The following TTC27 variants were observed in gnomAD, a reference collection of about 807,000 sequenced individuals.
TTC27 encodes the protein tetratricopeptide repeat protein 27.
TTC27 carries 79 observed loss-of-function variants against 115.9 expected under a neutral mutation model. The observed-to-expected ratio is 0.68, with a 90% confidence interval of 0.57 to 0.82. TTC27 has a LOEUF of 0.82. Ranked by LOEUF, TTC27 falls within the 40% of genes least tolerant of loss-of-function variation. TTC27 has a pLI of 0.00. For synonymous variants in TTC27, 401 were observed against 356.0 expected, an observed-to-expected ratio of 1.13 and a Z score of -1.42; for missense variants, 1,054 against 993.1, an observed-to-expected ratio of 1.06 and a Z score of -0.82.
chr2:32,698,435 G>GTTATTGTTATTATTATTA (rs1553552656), intron 9 of TTC27, among the ~76,000 whole-genome samples: 12 of 145,434 alleles, frequency 8.3e-5, no homozygotes, highest in Admixed American at 7.0e-4. Context: ...CAGCCATAAA[G>GTTATTGTTATTATTATTA]TTATTATTAT....
At chr2:32,687,619 C>T (rs1476507437) in intron 9 of TTC27, among the ~76,000 whole-genome samples, 2 of 152,042 alleles carry the variant, frequency 1.3e-5, no homozygotes, top group African/African-American at 2.4e-5. Flanking sequence ...AAAATATTAT[C>T]CCATGAAAAC....
chr2:32,781,246 C>A (rs972104932), intron 14 of TTC27, among the ~76,000 whole-genome samples: 1 of 152,184 alleles, frequency 6.6e-6, no homozygotes, highest in African/African-American at 2.4e-5. Flanking sequence ...ACTAACATTC[C>A]CCCAAACATT....
intron 13 of TTC27, among the ~76,000 whole-genome samples, chr2:32,768,022 G>T (rs1290215667): frequency 1.3e-5 from 2 of 151,590 alleles, no homozygotes; most frequent in Non-Finnish European, 1.5e-5. Flanking sequence ...CATATTGAAA[G>T]AATATATTCA....
At chr2:32,668,445 T>C (rs1052426035) in intron 7 of TTC27, among the ~76,000 whole-genome samples, 2 of 151,720 alleles carry the variant, frequency 1.3e-5, no homozygotes, top group African/African-American at 4.8e-5. Context: ...TTATGAGAAA[T>C]GTATGAAAAT....
At chr2:32,719,231 T>C (rs180691808) in intron 10 of TTC27, among the ~76,000 whole-genome samples, 7 of 152,172 alleles carry the variant, frequency 4.6e-5, no homozygotes, top group Non-Finnish European at 8.8e-5. Context: ...AACTAAACAA[T>C]GTATGAGGTA....
chr2:32,782,785 C>A, intron 15 of TTC27, 107 bp downstream of exon 15: 1 of 856,076 alleles, frequency 1.2e-6, no homozygotes, highest in Non-Finnish European at 1.8e-6. Context: ...ACCTTTCTCG[C>A]CCATGTATAT....
At chr2:32,767,683 G>C (rs899943130) in intron 13 of TTC27, among the ~76,000 whole-genome samples, 5 of 150,818 alleles carry the variant, frequency 3.3e-5, no homozygotes, top group South Asian at 2.1e-4. Context: ...GGATGGTCTC[G>C]ATCTCCTGAC....
At chr2:32,713,298 A>G (rs1667644455) in intron 10 of TTC27, among the ~76,000 whole-genome samples, 1 of 152,202 alleles carries the variant, frequency 6.6e-6, no homozygotes, top group Admixed American at 6.5e-5. Context: ...TGGAAACTAC[A>G]TATATTCAAA....
chr2:32,628,192 T>A lies in TTC27; in HGVS notation c.-101T>A. The A allele has an allele frequency of 9.0e-7, 1 of 1,108,890 alleles. No individual in the cohort carries two copies. The highest frequency in any genetic ancestry group is 1.3e-6 in the Non-Finnish European group (1 of 753,316). 68.7% of individuals were successfully genotyped at this position (1,108,890 alleles called of 1,614,324 possible). ...GTGTATTTACGGTAACTGTCGCCACTAGATTTCAGCGCCTTTGGACTCTCC... is the reference window on the plus strand; with the variant it reads ...GTGTATTTACGGTAACTGTCGCCACAAGATTTCAGCGCCTTTGGACTCTCC... On this transcript the variant is annotated 5_prime_UTR_variant, in exon 1 of 20. Transcript: ENST00000317907.
intron 3 of TTC27, among the ~76,000 whole-genome samples, chr2:32,634,830 T>C (rs1664352136): frequency 6.6e-6 from 1 of 150,912 alleles, no homozygotes; most frequent in South Asian, 2.1e-4. Context: ...CTAATTTTTG[T>C]ATTTTTACTA....
At chr2:32,780,173 A>G (rs1261513370) in intron 14 of TTC27, 3 of 423,040 alleles carry the variant, frequency 7.1e-6, no homozygotes, top group Non-Finnish European at 1.5e-5. Flanking sequence ...GCATTCCTTG[A>G]ATTTTCCTAT....
At chr2:32,796,276 A>C (rs1445124689) in intron 16 of TTC27, among the ~76,000 whole-genome samples, 5 of 152,194 alleles carry the variant, frequency 3.3e-5, no homozygotes, top group Non-Finnish European at 7.3e-5. Flanking sequence ...AAAAACTAGA[A>C]AACATGATGA....
intron 13 of TTC27, among the ~76,000 whole-genome samples, chr2:32,765,994 T>A (rs1389301662): frequency 6.6e-6 from 1 of 152,144 alleles, no homozygotes; most frequent in Non-Finnish European, 1.5e-5. Flanking sequence ...AATAAGGCCA[T>A]TTCGCTTTCT....
intron 16 of TTC27, among the ~76,000 whole-genome samples, chr2:32,805,958 T>C (rs1271699255): frequency 6.6e-6 from 1 of 152,204 alleles, no homozygotes; most frequent in Non-Finnish European, 1.5e-5. Flanking sequence ...CTAGCTGATC[T>C]TGATACTTGG....
intron 12 of TTC27, among the ~76,000 whole-genome samples, chr2:32,737,187 T>C (rs186033439): frequency 7.9e-4 from 121 of 152,316 alleles, no homozygotes; most frequent in African/African-American, 2.7e-3. Flanking sequence ...GCAGCTGGGT[T>C]GGTCTTTAAA....
chr2:32,743,307 C>G (rs771334345), intron 12 of TTC27, among the ~76,000 whole-genome samples: 7 of 152,164 alleles, frequency 4.6e-5, no homozygotes, highest in Non-Finnish European at 1.0e-4. Flanking sequence ...TTCCTTCTCA[C>G]TCAAGTATGA....
chr2:32,807,360 T>C (rs1264270292), intron 16 of TTC27, among the ~76,000 whole-genome samples: 1 of 152,180 alleles, frequency 6.6e-6, no homozygotes, highest in African/African-American at 2.4e-5. Flanking sequence ...GGAGAAACCC[T>C]TTAGCGTCTC....
At chr2:32,640,615 C>T (rs1572465579) in intron 4 of TTC27, among the ~76,000 whole-genome samples, 1 of 152,130 alleles carries the variant, frequency 6.6e-6, no homozygotes, top group Non-Finnish European at 1.5e-5. Context: ...TATGTTGCAC[C>T]TCCTTAATAG....
intron 9 of TTC27, among the ~76,000 whole-genome samples, chr2:32,702,010 C>CAAAAAAAA (rs752550794): frequency 2.1e-5 from 1 of 48,082 alleles, no homozygotes; most frequent in African/African-American, 7.5e-5. Context: ...GATCCTGTCT[C>CAAAAAAAA]AAAAAAAAAA....
Sources: gnomAD v4.1 joint callset for allele counts (sites outside exome capture counted in the v4.1 genomes callset) on GRCh38, gnomAD v4.1.1 for gene constraint, MANE v1.5 for transcripts, NCBI Gene and HGNC (gene_info 2026-07-23, HGNC 2026-07-21) for gene names.